ETV5: variants seen among roughly 807,000 people sequenced by gnomAD.
ETV5 encodes ETS translocation variant 5.
Under a neutral mutation model 70.0 loss-of-function variants are expected in ETV5, and 10 were observed. The observed-to-expected ratio is 0.14, with a 90% confidence interval of 0.09 to 0.24. The LOEUF is 0.24. Ranked by LOEUF, ETV5 falls within the 10% of genes least tolerant of loss-of-function variation. The pLI, the probability that ETV5 is intolerant of heterozygous loss-of-function variation, is 1.00. For missense variants in ETV5, 453 were observed against 651.2 expected, an observed-to-expected ratio of 0.70 and a Z score of 3.31; for synonymous variants, 216 against 242.2, an observed-to-expected ratio of 0.89 and a Z score of 1.01.
In ETV5 at chr3:186,079,775, G is replaced by A. The variant is rs371093384; in HGVS notation, c.650+42C>T. 1,168 of 1,573,062 alleles carry A rather than the reference G, an allele frequency of 7.4e-4. 2 individuals are homozygous for A. The highest frequency in any genetic ancestry group is 9.6e-4 in the Non-Finnish European group (1,112 of 1,161,890). On this transcript the variant is annotated intron_variant, in intron 7 of 12. Coordinates refer to ENST00000306376, the MANE Select transcript of ETV5 (RefSeq NM_004454.3). ...CCTCTCCCAGTGAGAAAGGATAGGA[G>A]TGAGGGAGACAATTAAGGAAGAAGC...
intron 7 of ETV5, among the ~76,000 whole-genome samples, chr3:186,068,131 TCA>T (rs751016490): frequency 4.6e-5 from 7 of 152,226 alleles, no homozygotes; most frequent in Admixed American, 2.6e-4. Context: ...AGCAATTCAG[TCA>T]CAGATGATCA....
intron 5 of ETV5, among the ~76,000 whole-genome samples, chr3:186,102,653 A>G (rs1355143140): frequency 2.0e-5 from 3 of 151,920 alleles, no homozygotes; most frequent in Non-Finnish European, 4.4e-5. Context: ...AAAAAAAAAA[A>G]AAAAGGTTTG....
chr3:186,073,056 C>T (rs9942039), intron 7 of ETV5, among the ~76,000 whole-genome samples: 10,370 of 152,094 alleles, frequency 0.068, 1,227 homozygotes, highest in East Asian at 0.54. Flanking sequence ...CGTTTGAACT[C>T]GGGAGGGGGA....
In ETV5 at chr3:186,048,605, G is replaced by T; in HGVS notation, c.*34C>A. The T allele has an allele frequency of 6.3e-7, 1 of 1,583,860 alleles. No homozygotes were observed. ...TTGTTTGCCTGAATGGGAACTGCTA[G>T]CTCTAGGGTTTGGCCACTCCGCCAC... On this transcript the variant is annotated 3_prime_UTR_variant, in exon 13 of 13. Coordinates refer to ENST00000306376, the MANE Select transcript of ETV5 (RefSeq NM_004454.3).
rs1464951587 is a variant in ETV5 at position 186,046,987 on chromosome 3, G to A, written c.*1652C>T. 4.4e-6 allele frequency: 1 copy of A among 229,292 alleles called. No homozygotes were observed. The highest frequency in any genetic ancestry group is 8.7e-6 in the Non-Finnish European group (1 of 115,398). 14.2% of individuals were successfully genotyped at this position (229,292 alleles called of 1,614,324 possible). On this transcript the variant is annotated 3_prime_UTR_variant, in exon 13 of 13. Coordinates refer to ENST00000306376, the MANE Select transcript of ETV5 (RefSeq NM_004454.3). ...GAACCTCTTCACAAATGTGCTGTTG[G>A]TCATAAGGGGGACAGTTTGAGACTA...
intron 5 of ETV5, chr3:186,084,396 T>C (rs900090185): frequency 3.0e-6 from 1 of 331,748 alleles, no homozygotes; most frequent in African/African-American, 2.2e-5. Flanking sequence ...AAGTCAGTGG[T>C]GCCCTGAAAA....
At chr3:186,087,381 T>C (rs1430959629) in intron 5 of ETV5, among the ~76,000 whole-genome samples, 1 of 152,242 alleles carries the variant, frequency 6.6e-6, no homozygotes, top group Non-Finnish European at 1.5e-5. Context: ...AGTCTTCTTA[T>C]AGTCTGATAA....
chr3:186,073,314 T>C (rs1039040835), intron 7 of ETV5, among the ~76,000 whole-genome samples: 3 of 152,228 alleles, frequency 2.0e-5, no homozygotes, highest in African/African-American at 7.2e-5. Context: ...TTTCAAAAAG[T>C]AAAATTGTCA....
In ETV5 at chr3:186,048,347, G is replaced by C. The variant is rs1712932736; in HGVS notation, c.*292C>G. 2.1e-6 allele frequency: 1 copy of C among 467,526 alleles called. No individual in the cohort carries two copies. The highest frequency in any genetic ancestry group is 3.7e-5 in the East Asian group (1 of 26,800). 29.0% of individuals were successfully genotyped at this position (467,526 alleles called of 1,614,324 possible). ...ACTAACCTGAACAAGATATTGCTTT[G>C]CATGTATTGTCCATGGTAAGGAGAC... is the stretch of plus-strand genomic sequence containing the variant. On this transcript the variant is annotated 3_prime_UTR_variant, in exon 13 of 13. Coordinates refer to ENST00000306376, the MANE Select transcript of ETV5 (RefSeq NM_004454.3).
rs1713056114 is a variant in ETV5 at position 186,052,479 on chromosome 3, T to C, written c.1210-348A>G. Among the ~76,000 whole-genome samples, 1 of 152,228 alleles carries C rather than the reference T, an allele frequency of 6.6e-6. No homozygotes were observed. Among genetic ancestry groups the C allele is most frequent in the Non-Finnish European group, 1.5e-5 (1 of 68,044 alleles). On this transcript the variant is annotated intron_variant, in intron 11 of 12. Transcript: ENST00000306376. This position sits in a 1 kb window ranked among gnomAD's most constrained non-coding sequence, Gnocchi z 4.5. ...ATTAACGTGTTGCCATTAAGTGCTA[T>C]GGTTTCTGTAGCAGTCAATAAGGAA... is the stretch of plus-strand genomic sequence containing the variant.
At position 186,048,539 on chromosome 3, in the gene ETV5, A is replaced by G; in HGVS notation, c.*100T>C. 9.1e-7 allele frequency: 1 copy of G among 1,094,740 alleles called. No homozygotes were observed. Among genetic ancestry groups the G allele is most frequent in the Non-Finnish European group, 1.4e-6 (1 of 733,126 alleles). The allele number at this position is 1,094,740 out of a possible 1,614,324, so 67.8% of individuals were successfully genotyped here. ...TTCTCCAGATAATACTCAAAGGGCA[A>G]GCTTTAGGAACAACCAAAAACACAA... On this transcript the variant is annotated 3_prime_UTR_variant, in exon 13 of 13. Coordinates refer to ENST00000306376, the MANE Select transcript of ETV5 (RefSeq NM_004454.3).
chr3:186,088,225 AC>A (rs1714102519), intron 5 of ETV5, among the ~76,000 whole-genome samples: 1 of 152,168 alleles, frequency 6.6e-6, no homozygotes. Context: ...CTCTTAGTTC[AC>A]ATGGAAAGTT....
chr3:186,104,326 G>A (rs971795853), intron 5 of ETV5, among the ~76,000 whole-genome samples: 1 of 152,112 alleles, frequency 6.6e-6, no homozygotes. Context: ...CCATGCCCCT[G>A]CCAGTGTTGA....
intron 12 of ETV5, among the ~76,000 whole-genome samples, chr3:186,051,001 T>C (rs1713015405): frequency 6.6e-6 from 1 of 152,226 alleles, no homozygotes; most frequent in Admixed American, 6.5e-5. Flanking sequence ...AAACAAATAC[T>C]ACATTACATT....
intron 9 of ETV5, among the ~76,000 whole-genome samples, chr3:186,060,089 G>A (rs564052805): frequency 3.7e-4 from 57 of 152,206 alleles, no homozygotes; most frequent in South Asian, 2.9e-3. Flanking sequence ...TTGATATTCC[G>A]GTGATGTTTT....
intron 7 of ETV5, chr3:186,079,000 C>T (rs1713865841): frequency 1.9e-6 from 2 of 1,030,138 alleles, no homozygotes; most frequent in African/African-American, 1.7e-5. Context: ...CACACCGATC[C>T]ACCTAACACA....
At chr3:186,058,416 T>C (rs1311003070) in intron 9 of ETV5, among the ~76,000 whole-genome samples, 1 of 152,212 alleles carries the variant, frequency 6.6e-6, no homozygotes, top group Non-Finnish European at 1.5e-5. Context: ...CTTAGGAGAA[T>C]GCCCCAGGGC....
intron 1 of ETV5, among the ~76,000 whole-genome samples, chr3:186,107,553 C>A (rs928143275): frequency 2.0e-5 from 3 of 152,192 alleles, no homozygotes; most frequent in African/African-American, 4.8e-5. Flanking sequence ...CATAAACGAA[C>A]GGAAAAGAGG....
Position 186,057,313 on chromosome 3 carries a change from GAGTTGT to G in ETV5, c.1040-75_1040-70del, listed in dbSNP as rs1713187997. The G allele has an allele frequency of 5.0e-6, 8 of 1,608,456 alleles. No homozygotes were observed. The Admixed American group carries it at 1.3e-4, about 27-fold the overall frequency. On this transcript the variant is annotated intron_variant, in intron 10 of 12. Transcript: ENST00000306376. The surrounding 1 kb of genome is among the most constrained non-coding windows in gnomAD (Gnocchi z 4.9). ...TTTCTCAGGTGGTTGGGACAAAAAGGAGTTGTTCATGCTGATTTAATCACTGGACTT... is the reference window on the plus strand; with the variant it reads ...TTTCTCAGGTGGTTGGGACAAAAAGGTCATGCTGATTTAATCACTGGACTT...
Sources: allele counts gnomAD v4.1 joint callset (sites outside exome capture counted in the v4.1 genomes callset), GRCh38; gene constraint gnomAD v4.1.1; non-coding constraint Gnocchi (gnomAD v3.1); transcripts MANE v1.5; gene names NCBI Gene and HGNC (gene_info 2026-07-23, HGNC 2026-07-21).